The following MACROD2 variants were observed in gnomAD, a reference collection of about 807,000 sequenced individuals.
MACROD2 encodes mono-ADP ribosylhydrolase 2.
MACROD2 carries 36 observed loss-of-function variants against 70.4 expected under a neutral mutation model. That is an observed-to-expected ratio of 0.51 (90% CI 0.39 to 0.68). The LOEUF (loss-of-function observed/expected upper bound fraction) is 0.68. MACROD2 is among the 30% of genes least tolerant of loss of function. The probability of loss-of-function intolerance (pLI) is 0.00; values close to 1 mark genes in which losing one functional copy is unlikely to be tolerated. For synonymous variants in MACROD2, 172 were observed against 178.8 expected, an observed-to-expected ratio of 0.96 and a Z score of 0.30; for missense variants, 496 against 538.4, an observed-to-expected ratio of 0.92 and a Z score of 0.78.
chr20:14,208,803 T>A (rs2081546824), intron 3 of MACROD2, among the ~76,000 whole-genome samples: 1 of 152,216 alleles, frequency 6.6e-6, no homozygotes, highest in South Asian at 2.1e-4. Context: ...CAAAAAGGGC[T>A]GAATACTTGA....
At chr20:14,325,532 C>T (rs1044874250) in intron 3 of MACROD2, 1 of 1,576,208 alleles carries the variant, frequency 6.3e-7, no homozygotes, top group Non-Finnish European at 8.6e-7. Context: ...ACCCAAAACA[C>T]AAGTCTGCTG....
intron 3 of MACROD2, among the ~76,000 whole-genome samples, chr20:14,130,651 A>G (rs975582087): frequency 6.6e-6 from 1 of 152,214 alleles, no homozygotes; most frequent in Non-Finnish European, 1.5e-5. Context: ...ATAGCACTAT[A>G]TTAGCAGTTC....
rs79817479 is a variant in MACROD2 at position 15,028,479 on chromosome 20, T to C, written c.419-201461T>C. On this transcript the variant is annotated intron_variant, in intron 5 of 17. Coordinates refer to ENST00000684519, the MANE Select transcript of MACROD2 (RefSeq NM_001351661.2). ...AACTAATAAGTGTTACTTTTATTAT[T>C]AAGCACCTACTGGATGTCACCTTTT... is the stretch of plus-strand genomic sequence containing the variant. Among the ~76,000 whole-genome samples the C allele has an allele frequency of 1.2e-3, 177 of 152,336 alleles. 1 individual carries two copies. The highest frequency in any genetic ancestry group is 4.1e-3 in the African/African-American group (170 of 41,578).
chr20:14,533,786 A>T (rs968385318), intron 4 of MACROD2, among the ~76,000 whole-genome samples: 2 of 152,340 alleles, frequency 1.3e-5, no homozygotes, highest in African/African-American at 4.8e-5. Flanking sequence ...TAGTAAAGCC[A>T]TATATTGCCT....
chr20:14,589,869 A>C (rs1468048018), intron 4 of MACROD2, among the ~76,000 whole-genome samples: 1 of 152,142 alleles, frequency 6.6e-6, no homozygotes, highest in African/African-American at 2.4e-5. Context: ...ATTCTGCAGC[A>C]CTTTATAAAA....
chr20:15,275,494 A>C (rs1020495116), intron 6 of MACROD2, among the ~76,000 whole-genome samples: 1 of 152,204 alleles, frequency 6.6e-6, no homozygotes, highest in Non-Finnish European at 1.5e-5. Flanking sequence ...CCCGGTAAAC[A>C]TATAGTGGTA....
chr20:14,407,924 C>A (rs543506222), intron 3 of MACROD2, among the ~76,000 whole-genome samples: 94 of 152,232 alleles, frequency 6.2e-4, no homozygotes, highest in African/African-American at 2.1e-3. Flanking sequence ...CCATTTCAGG[C>A]TAGACATGCA....
chr20:15,439,926 G>A (rs1600413598), intron 7 of MACROD2, among the ~76,000 whole-genome samples: 1 of 152,224 alleles, frequency 6.6e-6, no homozygotes, highest in East Asian at 1.9e-4. Flanking sequence ...TTTTGCACTG[G>A]CCTCTAAAGC....
At chr20:14,748,977 ATTAATTTATAGTTTATGCCC>A (rs1231585215) in intron 5 of MACROD2, among the ~76,000 whole-genome samples, 1 of 152,082 alleles carries the variant, frequency 6.6e-6, no homozygotes, top group Non-Finnish European at 1.5e-5. Flanking sequence ...CACCCAAGTC[ATTAATTTATAGTTTATGCCC>A]TTCACAAAGG....
At chr20:15,663,842 C>T (rs2049858457) in intron 8 of MACROD2, among the ~76,000 whole-genome samples, 1 of 152,160 alleles carries the variant, frequency 6.6e-6, no homozygotes, top group Non-Finnish European at 1.5e-5. Context: ...ACATAAGGCC[C>T]CACTCATCAA....
chr20:15,129,975 GTTC>G (rs2076093549), intron 5 of MACROD2, among the ~76,000 whole-genome samples: 1 of 152,042 alleles, frequency 6.6e-6, no homozygotes, highest in Non-Finnish European at 1.5e-5. Context: ...ATCCACATCT[GTTC>G]TTCTCTTGTC....
intron 15 of MACROD2, among the ~76,000 whole-genome samples, chr20:16,037,206 T>C (rs1348828790): frequency 6.6e-6 from 1 of 152,012 alleles, no homozygotes; most frequent in Non-Finnish European, 1.5e-5. Flanking sequence ...GATTTGCTAT[T>C]TGCATTTTGC....
At chr20:14,923,794 GA>G (rs1277164032) in intron 5 of MACROD2, among the ~76,000 whole-genome samples, 5 of 141,962 alleles carry the variant, frequency 3.5e-5, no homozygotes, top group African/African-American at 7.6e-5. Flanking sequence ...TGCGTTGGGG[GA>G]GGGGGGGGCG....
At chr20:15,024,911 T>C (rs1004760270) in intron 5 of MACROD2, among the ~76,000 whole-genome samples, 8 of 152,142 alleles carry the variant, frequency 5.3e-5, no homozygotes, top group Non-Finnish European at 1.5e-5. Context: ...TCCTCATAAA[T>C]AGAATTTGTA....
chr20:14,981,157 G>A lies in MACROD2; in HGVS notation c.419-248783G>A, dbSNP rs567138480. On this transcript the variant is annotated intron_variant, in intron 5 of 17. Transcript: ENST00000684519. ...AAAAAACAAGGATCCCCATCATCGC[G>A]TTCAAGGTCCTACACTGAGGTGACA... Among the ~76,000 whole-genome samples the A allele has an allele frequency of 1.2e-4, 18 of 152,014 alleles. No homozygotes were observed. In the South Asian group the frequency reaches 1.7e-3, roughly 14 times the overall value.
chr20:15,356,980 AG>A (rs1555808581), intron 6 of MACROD2, among the ~76,000 whole-genome samples: 2 of 152,228 alleles, frequency 1.3e-5, no homozygotes, highest in Non-Finnish European at 2.9e-5. Context: ...TATATAGGTC[AG>A]AAAAGGATAA....
intron 6 of MACROD2, among the ~76,000 whole-genome samples, chr20:15,341,963 A>G (rs764407185): frequency 7.9e-5 from 12 of 152,156 alleles, no homozygotes; most frequent in Non-Finnish European, 1.5e-4. Flanking sequence ...CTGAGGCAGG[A>G]GAATAATTTA....
rs187086368 is a variant in MACROD2, at chr20:14,887,577, G to A, written c.418+202618G>A. 7.0e-3 allele frequency among the ~76,000 whole-genome samples: 1,059 copies of A among 151,516 alleles called. 16 individuals are homozygous for A. Among genetic ancestry groups the A allele is most frequent in the African/African-American group, 0.024 (986 of 41,302 alleles). On this transcript the variant is annotated intron_variant, in intron 5 of 17. Transcript: ENST00000684519. The stretch of plus-strand genomic sequence containing the variant: ...CTTGTATTTTATTTTTTGTGGAGAC[G>A]GCGTTTCACCATGTTGCCCAGGCTG...
intron 5 of MACROD2, among the ~76,000 whole-genome samples, chr20:15,043,787 A>T (rs575147181): frequency 6.6e-6 from 1 of 152,240 alleles, no homozygotes; most frequent in Admixed American, 6.5e-5. Context: ...GGTTCCCACG[A>T]CACTCTCCTC....
Sources: allele counts gnomAD v4.1 joint callset (sites outside exome capture counted in the v4.1 genomes callset), GRCh38; gene constraint gnomAD v4.1.1; transcripts MANE v1.5; gene names NCBI Gene and HGNC (gene_info 2026-07-23, HGNC 2026-07-21).